The following GNG8 variants were observed in gnomAD, a reference collection of about 807,000 sequenced individuals.
The protein encoded by GNG8 is guanine nucleotide-binding protein G(I)/G(S)/G(O) subunit gamma-8.
In GNG8, 3 loss-of-function variants were observed where a neutral mutation model predicts 4.6. The observed-to-expected ratio is 0.65, with a 90% CI of 0.29 to 1.67. The LOEUF (loss-of-function observed/expected upper bound fraction) is 1.67. Among genes scored for constraint, GNG8 ranks in the 40% most tolerant of loss-of-function variants. The pLI, the probability that GNG8 is intolerant of heterozygous loss-of-function variation, is 0.10. For synonymous variants in GNG8, 32 were observed against 40.5 expected, an observed-to-expected ratio of 0.79 and a Z score of 0.80; for missense variants, 88 against 95.2, an observed-to-expected ratio of 0.92 and a Z score of 0.32.
upstream of GNG8, chr19:46,638,949 A>T (rs931861180): frequency 6.5e-6 from 1 of 153,546 alleles, no homozygotes; most frequent in African/African-American, 2.4e-5. The surrounding 1 kb of genome is among the most constrained non-coding windows in gnomAD (Gnocchi z 4.7). Flanking sequence ...GCAGGGGGCT[A>T]TAGGGACACA....
At chr19:46,634,536 A>G in intron 2 of GNG8, 63 bp downstream of exon 2, 1 of 1,443,642 alleles carries the variant, frequency 6.9e-7, no homozygotes, top group Middle Eastern at 2.1e-4. Flanking sequence ...AGCCGGGCCG[A>G]CACAGCCCCG....
intron 1 of GNG8, among the ~76,000 whole-genome samples, chr19:46,635,393 G>A (rs941343970): frequency 1.4e-5 from 2 of 146,956 alleles, no homozygotes; most frequent in African/African-American, 5.1e-5. Flanking sequence ...GAGAGAGGGA[G>A]AGACTGGGGG....
chr19:46,634,073 G>A lies in GNG8; in HGVS notation c.*3C>T. The A allele has an allele frequency of 6.2e-7, 1 of 1,610,434 alleles. No individual in the cohort carries two copies. The highest frequency in any genetic ancestry group is 1.7e-4 in the Middle Eastern group (1 of 6,034). ...GCAGGGGAGGGTAAGCTGTCCGGAGGGCTCAGAGCAGAACACAAAAGAGGC... is the reference window on the plus strand; with the variant it reads ...GCAGGGGAGGGTAAGCTGTCCGGAGAGCTCAGAGCAGAACACAAAAGAGGC... On this transcript the variant is annotated 3_prime_UTR_variant, in exon 3 of 3. Coordinates refer to ENST00000693335, the MANE Select transcript of GNG8 (RefSeq NM_033258.2).
chr19:46,637,115 A>T (rs997906863), upstream of GNG8: 26 of 151,574 alleles, frequency 1.7e-4, no homozygotes, highest in Admixed American at 7.2e-4. Context: ...AAACTCTCTC[A>T]ATCTCACACC....
At position 46,634,723 on chromosome 19, in the gene GNG8, G is replaced by A. The variant is rs750737944; in HGVS notation, c.-41C>T. ...GGGGTTAAAAGACGCGCGGGAGTGGGGGCTGTGGGGGTAGGTTAGGATACG... is the reference window on the plus strand; with the variant it reads ...GGGGTTAAAAGACGCGCGGGAGTGGAGGCTGTGGGGGTAGGTTAGGATACG... On this transcript the variant is annotated splice_region_variant and 5_prime_UTR_variant, in exon 2 of 3. Transcript: ENST00000693335. 11 of 1,534,680 alleles carry A rather than the reference G, an allele frequency of 7.2e-6. No homozygotes were observed. Among genetic ancestry groups the A allele is most frequent in the South Asian group, 1.1e-5 (1 of 89,064 alleles).
upstream of GNG8, chr19:46,637,146 C>G (rs555438920): frequency 2.0e-5 from 3 of 152,396 alleles, no homozygotes; most frequent in African/African-American, 4.8e-5. Flanking sequence ...CTCACACTTT[C>G]TGTGTCTCAC....
chr19:46,636,777 C>G (rs1488674651), upstream of GNG8: 1 of 151,316 alleles, frequency 6.6e-6, no homozygotes, highest in Non-Finnish European at 1.5e-5. Context: ...AAATGTCACA[C>G]ACATTTGCAT....
chr19:46,636,006 C>T (rs950569625), intron 1 of GNG8, among the ~76,000 whole-genome samples, 141 bp downstream of exon 1: 2 of 151,914 alleles, frequency 1.3e-5, no homozygotes, highest in African/African-American at 4.8e-5. Context: ...AGGAACAAGG[C>T]GAGAGACAGG....
At chr19:46,634,444 C>T (rs1194684615) in intron 2 of GNG8, among the ~76,000 whole-genome samples, 155 bp downstream of exon 2, 1 of 148,030 alleles carries the variant, frequency 6.8e-6, no homozygotes, top group Non-Finnish European at 1.5e-5. Flanking sequence ...TCTGCCCCTC[C>T]CCTCGTCCTG....
intron 1 of GNG8, among the ~76,000 whole-genome samples, 119 bp from the exon 2 acceptor site, chr19:46,634,844 A>AG (rs946562605): frequency 2.1e-4 from 32 of 150,574 alleles, no homozygotes; most frequent in African/African-American, 7.1e-4. Context: ...TGGTGGAGGG[A>AG]GGGACAGATG....
upstream of GNG8, among the ~76,000 whole-genome samples, chr19:46,636,641 CACA>C (rs1192274816): frequency 2.6e-5 from 4 of 152,164 alleles, no homozygotes; most frequent in African/African-American, 9.7e-5. Flanking sequence ...CCTTGCTCAA[CACA>C]ACCTCACACG....
chr19:46,634,269 C>T, intron 2 of GNG8, 65 bp from the exon 3 acceptor site: 1 of 1,521,582 alleles, frequency 6.6e-7, no homozygotes, highest in Non-Finnish European at 8.8e-7. Flanking sequence ...CACTTAGGCC[C>T]CGCCTCTTGC....
chr19:46,634,334 A>G, intron 2 of GNG8, 130 bp from the exon 3 acceptor site: 2 of 972,384 alleles, frequency 2.1e-6, no homozygotes, highest in South Asian at 1.8e-5. Context: ...CCCTTGTCTT[A>G]CTCCGCCCCC....
chr19:46,637,037 C>T (rs1223738269), upstream of GNG8: 1 of 152,198 alleles, frequency 6.6e-6, no homozygotes, highest in African/African-American at 2.4e-5. Context: ...GGTCATCCAC[C>T]CGCCTCGGCC....
chr19:46,634,209 G>T lies in GNG8; in HGVS notation c.85-5C>A, dbSNP rs1158480019. The stretch of plus-strand genomic sequence containing the variant: ...TTCCGCTGCTGCCTGCGACACCTGC[G>T]AGCACCCGGGTGGAGATGTCACCGC... On this transcript the variant is annotated splice_polypyrimidine_tract_variant and splice_region_variant and intron_variant, in intron 2 of 2. Coordinates refer to ENST00000693335, the MANE Select transcript of GNG8 (RefSeq NM_033258.2). The T allele has an allele frequency of 6.2e-7, 1 of 1,601,180 alleles. No individual in the cohort carries two copies. The highest frequency in any genetic ancestry group is 1.1e-5 in the South Asian group (1 of 89,928).
At position 46,634,647 on chromosome 19, in the gene GNG8, G is replaced by A. The variant is rs568245218; in HGVS notation, c.36C>T (p.Arg12=). The change falls in exon 2 of 3, where the codon CGC becomes CGT. Residue 12 remains arginine, a synonymous_variant. Coordinates refer to ENST00000693335, the MANE Select transcript of GNG8 (RefSeq NM_033258.2). ...SNNMAKIAEA[R]KTVEQLKLEV... Reference sequence around the variant, plus strand: ...CCAGCTTCAGCTGTTCCACCGTCTTGCGGGCCTCGGCAATCTTGGCCATGT... The same window carrying A: ...CCAGCTTCAGCTGTTCCACCGTCTTACGGGCCTCGGCAATCTTGGCCATGT... The A allele has an allele frequency of 3.1e-6, 5 of 1,613,080 alleles. No homozygotes were observed. The Admixed American group carries it at 8.3e-5, about 27-fold the overall frequency.
At chr19:46,636,094 G>T (rs1468188424) in intron 1 of GNG8, among the ~76,000 whole-genome samples, 53 bp downstream of exon 1, 1 of 152,090 alleles carries the variant, frequency 6.6e-6, no homozygotes, top group Non-Finnish European at 1.5e-5. Context: ...AGAGACGGTG[G>T]CCACGGAGCA....
At position 46,633,965 on chromosome 19, in the gene GNG8, G is replaced by A; in HGVS notation, c.*111C>T. ...GAACGGACACAGCTTCCCCTACGGT[G>A]GCCCCAAGCTCTGTGCGTGCCTCAG... On this transcript the variant is annotated 3_prime_UTR_variant, in exon 3 of 3. Coordinates refer to ENST00000693335, the MANE Select transcript of GNG8 (RefSeq NM_033258.2). 3.2e-6 allele frequency: 4 copies of A among 1,260,038 alleles called. No individual in the cohort carries two copies. The highest frequency in any genetic ancestry group is 4.4e-6 in the Non-Finnish European group (4 of 901,890). 78.1% of individuals were successfully genotyped at this position (1,260,038 alleles called of 1,614,324 possible).
chr19:46,634,251 G>T (rs1181585825), intron 2 of GNG8, 47 bp from the exon 3 acceptor site: 2 of 1,564,122 alleles, frequency 1.3e-6, no homozygotes, highest in African/African-American at 2.7e-5. Flanking sequence ...CGGCTCCTTG[G>T]AGCCGCCCAC....
Sources: gnomAD v4.1 joint callset for allele counts (sites outside exome capture counted in the v4.1 genomes callset) on GRCh38, gnomAD v4.1.1 for gene constraint, Gnocchi (gnomAD v3.1) non-coding constraint, MANE v1.5 for transcripts, NCBI Gene and HGNC (gene_info 2026-07-23, HGNC 2026-07-21) for gene names.